CEP63: variants seen among roughly 807,000 people sequenced by gnomAD.
CEP63 encodes centrosomal protein of 63 kDa.
A neutral mutation model predicts 89.1 loss-of-function variants in CEP63; 84 were observed. The ratio of observed to expected loss-of-function variants is 0.94; its 90% CI spans 0.79 to 1.13. The LOEUF is 1.13. Among genes scored for constraint, CEP63 ranks in the 50% most tolerant of loss-of-function variants. CEP63 has a pLI of 0.00. For synonymous variants in CEP63, 267 were observed against 272.5 expected, an observed-to-expected ratio of 0.98 and a Z score of 0.20; for missense variants, 838 against 813.3, an observed-to-expected ratio of 1.03 and a Z score of -0.37.
the CEP63 span, among the ~76,000 whole-genome samples, chr3:134,728,296 G>A: frequency 6.6e-6 from 1 of 152,114 alleles, no homozygotes. Context: ...AATTGGAAAT[G>A]TGATTTCAAC....
chr3:134,659,510 A>G, the CEP63 span, among the ~76,000 whole-genome samples: 1 of 152,194 alleles, frequency 6.6e-6, no homozygotes, highest in East Asian at 1.9e-4. Flanking sequence ...ACAGTTCCCC[A>G]GTAGCTTCTG....
the CEP63 span, among the ~76,000 whole-genome samples, chr3:134,690,230 A>G: frequency 6.6e-6 from 1 of 152,250 alleles, no homozygotes; most frequent in Non-Finnish European, 1.5e-5. Flanking sequence ...TTTATAAAAC[A>G]TAGTAAAAAT....
the CEP63 span, among the ~76,000 whole-genome samples, chr3:134,741,374 T>G: frequency 6.6e-6 from 1 of 152,182 alleles, no homozygotes; most frequent in South Asian, 2.1e-4. Flanking sequence ...CCTCCTAGCT[T>G]CAGTCACAGT....
chr3:134,538,666 C>T (rs1181498223), intron 6 of CEP63, among the ~76,000 whole-genome samples: 2 of 150,768 alleles, frequency 1.3e-5, no homozygotes, highest in Non-Finnish European at 3.0e-5. Context: ...AATCCTTCCA[C>T]CTTGGCCTCC....
chr3:134,704,553 C>T, the CEP63 span, among the ~76,000 whole-genome samples: 1 of 152,212 alleles, frequency 6.6e-6, no homozygotes, highest in Non-Finnish European at 1.5e-5. Flanking sequence ...CCACTTAAAT[C>T]CAGAGGTCAT....
At chr3:134,736,644 C>G in the CEP63 span, among the ~76,000 whole-genome samples, 1 of 152,070 alleles carries the variant, frequency 6.6e-6, no homozygotes, top group Non-Finnish European at 1.5e-5. Flanking sequence ...AAACTTTATT[C>G]AAAAACATTG....
the CEP63 span, among the ~76,000 whole-genome samples, chr3:134,642,448 C>T: frequency 6.6e-6 from 1 of 152,176 alleles, no homozygotes; most frequent in South Asian, 2.1e-4. Context: ...CCAAGGTGGG[C>T]GTGAGAGTCT....
At chr3:134,613,807 A>T in the CEP63 span, among the ~76,000 whole-genome samples, 88 of 152,292 alleles carry the variant, frequency 5.8e-4, no homozygotes, top group Admixed American at 2.5e-3. Context: ...TCTCATGCAA[A>T]ATCCTCTGTA....
the CEP63 span, among the ~76,000 whole-genome samples, chr3:134,701,348 A>ATG: frequency 8.3e-3 from 158 of 19,088 alleles, 25 homozygotes; most frequent in South Asian, 0.016. Context: ...ATATACGTAT[A>ATG]TATGTGTATA....
intron 2 of CEP63, among the ~76,000 whole-genome samples, chr3:134,502,614 G>A (rs1168876853): frequency 6.6e-6 from 1 of 152,110 alleles, no homozygotes; most frequent in African/African-American, 2.4e-5. Context: ...GCATACAGAT[G>A]TTCATAGTAG....
At chr3:134,574,893 C>A in exon 12 of CEP63, 2 of 514,288 alleles carry the variant, frequency 3.9e-6, no homozygotes, top group Admixed American at 3.5e-5. Context: ...CAAGTGTGAG[C>A]TACCACCACT....
chr3:134,673,443 G>T, the CEP63 span, among the ~76,000 whole-genome samples: 1 of 152,042 alleles, frequency 6.6e-6, no homozygotes, highest in Admixed American at 6.5e-5. Flanking sequence ...GCCTTCAGTG[G>T]TCCATCAAAA....
At chr3:134,581,172 C>A (rs4368544) in intron 10 of CEP63, among the ~76,000 whole-genome samples, 1 of 152,048 alleles carries the variant, frequency 6.6e-6, no homozygotes, top group Non-Finnish European at 1.5e-5. Flanking sequence ...TGAGTATAGC[C>A]CAGAGAACCT....
chr3:134,618,823 C>CT, the CEP63 span, among the ~76,000 whole-genome samples: 14 of 152,192 alleles, frequency 9.2e-5, no homozygotes, highest in African/African-American at 3.4e-4. Context: ...AGTCACTGTC[C>CT]TCCCGCTCCC....
intron 1 of CEP63, among the ~76,000 whole-genome samples, chr3:134,490,211 ATT>A (rs906908727): frequency 1.3e-5 from 2 of 152,292 alleles, no homozygotes; most frequent in South Asian, 2.1e-4. Context: ...CAAAATTCGC[ATT>A]GTTTCCAACA....
At chr3:134,569,361 T>G (rs1446680017), downstream of CEP63, among the ~76,000 whole-genome samples, 1 of 152,222 alleles carries the variant, frequency 6.6e-6, no homozygotes, top group Non-Finnish European at 1.5e-5. Context: ...AGTGAGTTAA[T>G]TACTTCTCAG....
chr3:134,740,081 A>G, the CEP63 span, among the ~76,000 whole-genome samples: 2 of 152,082 alleles, frequency 1.3e-5, no homozygotes, highest in Non-Finnish European at 1.5e-5. Context: ...GAAGTAGAAC[A>G]CGGAGTATCT....
chr3:134,587,134 G>A (rs1250051303), intron 10 of CEP63, among the ~76,000 whole-genome samples: 1 of 152,150 alleles, frequency 6.6e-6, no homozygotes, highest in Non-Finnish European at 1.5e-5. Context: ...CGATGGGTTA[G>A]AACATGCTTC....
At chr3:134,739,948 T>C in the CEP63 span, among the ~76,000 whole-genome samples, 3 of 152,202 alleles carry the variant, frequency 2.0e-5, no homozygotes, top group Admixed American at 6.5e-5. Flanking sequence ...GTGTACTTGT[T>C]CTTCCTCTCC....
Sources: allele counts gnomAD v4.1 joint callset (sites outside exome capture counted in the v4.1 genomes callset), GRCh38; gene constraint gnomAD v4.1.1; transcripts MANE v1.5; gene names NCBI Gene and HGNC (gene_info 2026-07-23, HGNC 2026-07-21).